The following ATP8A2 variants were observed in gnomAD, a reference collection of about 807,000 sequenced individuals.
The protein encoded by ATP8A2 is ATPase phospholipid transporting 8A2.
In ATP8A2, 100 loss-of-function variants were observed where a neutral mutation model predicts 165.6. That is an observed-to-expected ratio of 0.60 (90% CI 0.51 to 0.71). The LOEUF (loss-of-function observed/expected upper bound fraction) is 0.71. Among genes scored for constraint, ATP8A2 ranks in the 30% least tolerant of loss-of-function variants. The pLI is 0.00. For missense variants in ATP8A2, 1,227 were observed against 1,479.5 expected (o/e 0.83, Z 2.80); for synonymous variants, 543 against 548.8 (o/e 0.99, Z 0.15).
At position 25,830,209 on chromosome 13, in the gene ATP8A2, C is replaced by T. The variant is rs549799334; in HGVS notation, c.2754+2017C>T. The stretch of plus-strand genomic sequence containing the variant: ...CATTTTTTTTGTGGAAATGGGGTCT[C>T]GCCATGTTGCCCAGATTGGTCTCAA... On this transcript the variant is annotated intron_variant, in intron 28 of 36. Coordinates refer to ENST00000381655, the MANE Select transcript of ATP8A2 (RefSeq NM_016529.6). 5.9e-5 allele frequency among the ~76,000 whole-genome samples: 9 copies of T among 152,008 alleles called. No homozygotes were observed. The South Asian group carries it at 1.9e-3, about 32-fold the overall frequency.
intron 1 of ATP8A2, among the ~76,000 whole-genome samples, chr13:25,440,949 A>G (rs2034915777): frequency 6.6e-6 from 1 of 152,196 alleles, no homozygotes; most frequent in Admixed American, 6.5e-5. Flanking sequence ...GGATTACATG[A>G]TATGTAGATA....
At chr13:25,724,075 G>A (rs2043442486) in intron 25 of ATP8A2, among the ~76,000 whole-genome samples, 2 of 152,182 alleles carry the variant, frequency 1.3e-5, no homozygotes, top group Non-Finnish European at 2.9e-5. Flanking sequence ...ACTGAATTCT[G>A]TCACAGCCAT....
chr13:25,801,631 T>C (rs1950623779), intron 27 of ATP8A2, among the ~76,000 whole-genome samples: 3 of 152,202 alleles, frequency 2.0e-5, no homozygotes. Flanking sequence ...TTTGGCAATA[T>C]ACTTTGAAAC....
intron 16 of ATP8A2, among the ~76,000 whole-genome samples, chr13:25,566,350 G>A (rs990861413): frequency 6.6e-6 from 1 of 151,540 alleles, no homozygotes; most frequent in Non-Finnish European, 1.5e-5. Context: ...AAGCAGAAAA[G>A]TGGCGCCTCT....
chr13:25,477,414 C>T (rs1040345496), intron 2 of ATP8A2, among the ~76,000 whole-genome samples: 2 of 152,172 alleles, frequency 1.3e-5, no homozygotes, highest in Admixed American at 6.5e-5. Context: ...AGACCCAAGA[C>T]GTGACAAGTA....
intron 24 of ATP8A2, among the ~76,000 whole-genome samples, chr13:25,675,364 T>G (rs2042350921): frequency 6.6e-6 from 1 of 152,184 alleles, no homozygotes; most frequent in African/African-American, 2.4e-5. Context: ...GCATCCTGTG[T>G]TTACACATTT....
chr13:25,579,017 G>T lies in ATP8A2; in HGVS notation c.1867+118G>T, dbSNP rs2039696073. On this transcript the variant is annotated intron_variant, in intron 21 of 36. Transcript: ENST00000381655. ...TGCCCCATCCCCTCCTGTGCCCATG[G>T]CAGTGACAAGATGCATAGCCAAATC... is the stretch of plus-strand genomic sequence containing the variant. 3 of 730,534 alleles carry T rather than the reference G, an allele frequency of 4.1e-6. No homozygotes were observed. The East Asian group carries it at 7.9e-5, about 19-fold the overall frequency. The allele number at this position is 730,534 out of a possible 1,614,324, so 45.3% of individuals were successfully genotyped here. A position where few individuals can be genotyped will look rare whatever the true frequency, so the allele number is the denominator to read the frequency against.
chr13:25,908,210 G>A (rs888962825), intron 33 of ATP8A2, among the ~76,000 whole-genome samples: 4 of 152,048 alleles, frequency 2.6e-5, no homozygotes, highest in Admixed American at 6.6e-5. Context: ...TCCTATGTCT[G>A]TAGGGCAGTT....
In ATP8A2 at chr13:25,373,306, T is replaced by A. The variant is rs540386600; in HGVS notation, c.76+1018T>A. Among the ~76,000 whole-genome samples the A allele has an allele frequency of 3.9e-5, 6 of 152,320 alleles. No individual in the cohort carries two copies. In the East Asian group the frequency reaches 1.2e-3, roughly 29 times the overall value. On this transcript the variant is annotated intron_variant, in intron 1 of 36. Coordinates refer to ENST00000381655, the MANE Select transcript of ATP8A2 (RefSeq NM_016529.6). The stretch of plus-strand genomic sequence containing the variant: ...CATAAAAATAAGCGACTTTTGTATT[T>A]CTGTAGTTGAGTAACGTGAGAGGGA...
At chr13:25,520,055 G>A (rs1819940519) in intron 2 of ATP8A2, among the ~76,000 whole-genome samples, 1 of 152,174 alleles carries the variant, frequency 6.6e-6, no homozygotes, top group African/African-American at 2.4e-5. Context: ...ATTTTGACGT[G>A]TACAACAGAT....
intron 33 of ATP8A2, among the ~76,000 whole-genome samples, chr13:25,864,637 G>A (rs1274761915): frequency 1.3e-5 from 2 of 152,192 alleles, no homozygotes; most frequent in Non-Finnish European, 2.9e-5. Flanking sequence ...TTCTGTAAAA[G>A]CTTATTTTTC....
chr13:25,731,328 G>GAA (rs2043635031), intron 25 of ATP8A2, among the ~76,000 whole-genome samples: 1 of 118,322 alleles, frequency 8.5e-6, no homozygotes, highest in African/African-American at 3.5e-5. Context: ...GAGAGAGAAA[G>GAA]AGAGAAAGGG....
At chr13:25,947,253 G>A (rs889137356) in intron 33 of ATP8A2, among the ~76,000 whole-genome samples, 3 of 152,130 alleles carry the variant, frequency 2.0e-5, no homozygotes, top group Admixed American at 1.3e-4. Context: ...GGGACTTTTC[G>A]GTAAAATGAA....
At chr13:25,565,807 GA>G in intron 16 of ATP8A2, among the ~76,000 whole-genome samples, 1 of 151,924 alleles carries the variant, frequency 6.6e-6, no homozygotes, top group South Asian at 2.1e-4. Flanking sequence ...TCTTGGTCAT[GA>G]AATCCTTGCC....
intron 27 of ATP8A2, among the ~76,000 whole-genome samples, chr13:25,777,417 AG>A: frequency 6.6e-6 from 1 of 152,366 alleles, no homozygotes; most frequent in Admixed American, 6.5e-5. Flanking sequence ...GTAAGATCAA[AG>A]ATTATTGTAA....
chr13:25,919,834 T>C (rs764427354), intron 33 of ATP8A2, among the ~76,000 whole-genome samples: 13 of 152,284 alleles, frequency 8.5e-5, no homozygotes, highest in Non-Finnish European at 1.8e-4. Context: ...GGTGCTGTCA[T>C]AGCTCACTAT....
At chr13:25,649,211 C>T (rs1420730187) in intron 24 of ATP8A2, among the ~76,000 whole-genome samples, 1 of 152,118 alleles carries the variant, frequency 6.6e-6, no homozygotes. Flanking sequence ...CTGGTAACAG[C>T]CTTGGGCAGG....
chr13:25,379,731 T>G (rs1160951985), intron 1 of ATP8A2, among the ~76,000 whole-genome samples: 1 of 152,206 alleles, frequency 6.6e-6, no homozygotes, highest in Non-Finnish European at 1.5e-5. Flanking sequence ...CGGGCCCTGC[T>G]AAGCGTGTAA....
chr13:25,637,393 T>C (rs1016488284), intron 24 of ATP8A2, among the ~76,000 whole-genome samples: 3 of 152,008 alleles, frequency 2.0e-5, no homozygotes, highest in Admixed American at 6.6e-5. Context: ...ACCTGGAAAA[T>C]TGGGTCACTC....
Sources: allele counts gnomAD v4.1 joint callset (sites outside exome capture counted in the v4.1 genomes callset), GRCh38; gene constraint gnomAD v4.1.1; transcripts MANE v1.5; gene names NCBI Gene and HGNC (gene_info 2026-07-23, HGNC 2026-07-21).